SMARCA4: variants seen among roughly 807,000 people sequenced by gnomAD.
The protein encoded by SMARCA4 is SWI/SNF-related matrix-associated actin-dependent regulator of chromatin subfamily A member 4.
A neutral mutation model predicts 193.9 loss-of-function variants in SMARCA4; 31 were observed. The ratio of observed to expected loss-of-function variants is 0.16; its 90% CI spans 0.12 to 0.22. The LOEUF (loss-of-function observed/expected upper bound fraction) is 0.22, where lower values mean the gene tolerates loss of function less well. SMARCA4 is among the 10% of genes least tolerant of loss of function. The pLI is 1.00. For missense variants in SMARCA4, 1,148 were observed against 2,296.0 expected (o/e 0.50, Z 10.22); for synonymous variants, 942 against 933.1 (o/e 1.01, Z -0.17).
At chr19:10,962,205 G>A (rs1212087348) in intron 1 of SMARCA4, among the ~76,000 whole-genome samples, 1 of 152,138 alleles carries the variant, frequency 6.6e-6, no homozygotes, top group Non-Finnish European at 1.5e-5. Context: ...TTTGTGAAAG[G>A]GGGTAATCTC....
At chr19:10,975,017 CTTT>C (rs760199710) in intron 1 of SMARCA4, among the ~76,000 whole-genome samples, 1 of 101,080 alleles carries the variant, frequency 9.9e-6, no homozygotes. Context: ...TATAGTTATT[CTTT>C]TTTTTTTTTT....
At chr19:11,026,165 A>G (rs1346917190) in intron 22 of SMARCA4, 135 bp from the exon 23 acceptor site, 3 of 757,046 alleles carry the variant, frequency 4.0e-6, no homozygotes, top group Non-Finnish European at 4.8e-6. Context: ...GTCTGGTCTC[A>G]GAGCCGCCGT....
At chr19:10,990,165 T>G (rs922736535) in intron 7 of SMARCA4, among the ~76,000 whole-genome samples, 2 of 151,928 alleles carry the variant, frequency 1.3e-5, no homozygotes, top group Admixed American at 6.6e-5. Context: ...ATATTTTTCT[T>G]TTTTTTGAAA....
intron 16 of SMARCA4, among the ~76,000 whole-genome samples, chr19:11,017,097 G>A (rs190676858): frequency 2.0e-5 from 3 of 152,096 alleles, no homozygotes; most frequent in African/African-American, 7.2e-5. Context: ...TCTCTGCCTC[G>A]GCATCTGTTT....
Position 11,058,754 on chromosome 19 carries a change from C to G in SMARCA4, c.4534-34C>G, listed in dbSNP as rs779537093. 9 of 1,585,566 alleles carry G rather than the reference C, an allele frequency of 5.7e-6. No individual in the cohort carries two copies. Among genetic ancestry groups the G allele is most frequent in the Admixed American group, 1.7e-5 (1 of 59,940 alleles). ...GCCTGCGGGCAGGCGAGGCGGGGTC[C>G]TGAGGTAAGACCTGCTCCTCCCGTC... On this transcript the variant is annotated intron_variant, in intron 31 of 34. Transcript: ENST00000344626. The surrounding 1 kb of genome is among the most constrained non-coding windows in gnomAD (Gnocchi z 5.8).
chr19:11,033,964 G>A lies in SMARCA4; in HGVS notation c.3873+99G>A. ...GGTCCCACGGAGCGTGCGTGTGCGT[G>A]TGCGTGTGTGTGCCTTTCGCTGCCG... On this transcript the variant is annotated intron_variant, in intron 27 of 34. Coordinates refer to ENST00000344626, the MANE Select transcript of SMARCA4 (RefSeq NM_003072.5). The surrounding 1 kb of genome is among the most constrained non-coding windows in gnomAD (Gnocchi z 9.8). The A allele has an allele frequency of 2.7e-6, 2 of 747,696 alleles. No homozygotes were observed. Among genetic ancestry groups the A allele is most frequent in the Non-Finnish European group, 4.9e-6 (2 of 408,528 alleles). 46.3% of individuals were successfully genotyped at this position (747,696 alleles called of 1,614,324 possible).
intron 9 of SMARCA4, chr19:10,995,860 G>C (rs941542069): frequency 1.8e-5 from 7 of 390,932 alleles, no homozygotes; most frequent in African/African-American, 1.0e-4. Context: ...TTCTTAGAAA[G>C]GTGGGGGGCT....
intron 8 of SMARCA4, among the ~76,000 whole-genome samples, chr19:10,992,590 GT>G (rs1442225498): frequency 7.3e-5 from 11 of 150,924 alleles, no homozygotes; most frequent in Non-Finnish European, 1.0e-4. Flanking sequence ...ACACCTGTTT[GT>G]TTTTTTCTTT....
Position 11,013,008 on chromosome 19 carries a change from C to T in SMARCA4, c.2334C>T (p.Ala778=), listed in dbSNP as rs757358465. ...ACAACAACCTGAACGGCATCCTGGC[C>T]GACGAGATGGGCCTGGGGAAGACCA... The part of the protein sequence containing the change: ...LYNNNLNGIL[A]DEMGLGKTIQ... The change falls in exon 16 of 35, where the codon GCC becomes GCT. Residue 778 remains alanine (A), a synonymous_variant. Transcript: ENST00000344626. 5.6e-6 allele frequency: 9 copies of T among 1,614,126 alleles called. No individual in the cohort carries two copies. The highest frequency in any genetic ancestry group is 2.2e-5 in the East Asian group (1 of 44,886).
intron 1 of SMARCA4, among the ~76,000 whole-genome samples, chr19:10,982,470 G>A (rs1292258532): frequency 2.6e-5 from 4 of 151,782 alleles, no homozygotes; most frequent in East Asian, 3.9e-4. Flanking sequence ...GTGAAACTTC[G>A]TCTCAAAAAC....
At chr19:11,059,077 C>G in intron 32 of SMARCA4, 188 bp downstream of exon 32, 1 of 594,710 alleles carries the variant, frequency 1.7e-6, no homozygotes, top group Non-Finnish European at 3.0e-6. Flanking sequence ...GAGTTCACGA[C>G]CAGCCTGGGC....
chr19:10,986,837 C>T lies in SMARCA4; in HGVS notation c.761-68C>T, dbSNP rs2145792684. 2 of 1,411,822 alleles carry T rather than the reference C, an allele frequency of 1.4e-6. No homozygotes were observed. Among genetic ancestry groups the T allele is most frequent in the East Asian group, 2.3e-5 (1 of 43,928 alleles). The allele number at this position is 1,411,822 out of a possible 1,614,324, so 87.5% of individuals were successfully genotyped here. A position where few individuals can be genotyped will look rare whatever the true frequency, so the allele number is the denominator to read the frequency against. On this transcript the variant is annotated intron_variant, in intron 4 of 34. Transcript: ENST00000344626. The surrounding 1 kb of genome is among the most constrained non-coding windows in gnomAD (Gnocchi z 6.7). ...CTGTGTCCCCTGGAGCCAGGGCTGC[C>T]CACGGGGCTGGGCGCAGGCATAAAC...
At chr19:11,060,557 C>G (rs1043881548) in intron 34 of SMARCA4, 28 of 394,254 alleles carry the variant, frequency 7.1e-5, no homozygotes, top group South Asian at 6.8e-4. Context: ...ACCCACCAGA[C>G]AGTGCCCCGT....
intron 24 of SMARCA4, 118 bp downstream of exon 24, chr19:11,028,068 G>A (rs1238466702): frequency 3.7e-6 from 4 of 1,081,550 alleles, no homozygotes; most frequent in East Asian, 2.4e-5. Context: ...TCTGGGTCCA[G>A]TGGCCAGAGT....
Position 10,986,964 on chromosome 19 carries a change from G to T in SMARCA4, c.820G>T (p.Gly274Cys). Residue 274 changes from glycine to cysteine, a missense_variant, in exon 5 of 35, where the codon GGC becomes TGC. Coordinates refer to ENST00000344626, the MANE Select transcript of SMARCA4 (RefSeq NM_003072.5). This position sits in a 1 kb window ranked among gnomAD's most constrained non-coding sequence, Gnocchi z 6.7. ...CTCGGGCGTGCCCCCCGGGATGCCA[G>T]GCCAGCCTCCTGGAGGGCCTCCCAA... is the stretch of plus-strand genomic sequence containing the variant. Reference protein sequence around the residue: ...GPSGVPPGMPGQPPGGPPKPW... With the variant: ...GPSGVPPGMPCQPPGGPPKPW... 1 of 1,609,606 alleles carries T rather than the reference G, an allele frequency of 6.2e-7. No homozygotes were observed.
In SMARCA4 at chr19:11,041,421, C is replaced by A. The variant is rs1060502069; in HGVS notation, c.4285C>A (p.Arg1429Ser). Residue 1429 changes from arginine to serine, a missense_variant, in exon 30 of 35, where the codon CGC becomes AGC. Coordinates refer to ENST00000344626, the MANE Select transcript of SMARCA4 (RefSeq NM_003072.5). The surrounding 1 kb of genome is among the most constrained non-coding windows in gnomAD (Gnocchi z 5.6). The stretch of plus-strand genomic sequence containing the variant: ...CTCCTCCACCCCGACCACCAGCACC[C>A]GCAGCCGCGACAAGGACGACGAGAG... ...AGSSTPTTSTRSRDKDDESKK... is the reference protein window; with the variant it reads ...AGSSTPTTSTSSRDKDDESKK... 1 of 1,612,362 alleles carries A rather than the reference C, an allele frequency of 6.2e-7. No individual in the cohort carries two copies. The highest frequency in any genetic ancestry group is 8.5e-7 in the Non-Finnish European group (1 of 1,179,928).
chr19:11,029,915 A>G (rs540618604), intron 24 of SMARCA4, among the ~76,000 whole-genome samples: 1 of 152,186 alleles, frequency 6.6e-6, no homozygotes, highest in East Asian at 1.9e-4. Flanking sequence ...TCCTCAGGCG[A>G]TCCACCCACC....
chr19:11,003,328 C>T lies in SMARCA4; in HGVS notation c.1944-12C>T, dbSNP rs149763341. On this transcript the variant is annotated splice_polypyrimidine_tract_variant and intron_variant, in intron 12 of 34. Coordinates refer to ENST00000344626, the MANE Select transcript of SMARCA4 (RefSeq NM_003072.5). ...GAGCAGATTTGTATGAAAGCCCTTA[C>T]ATTTTTTCTAGGTATGAAGTAGCTC... 4.4e-4 allele frequency: 706 copies of T among 1,613,194 alleles called. 9 individuals are homozygous for T. The East Asian group carries it at 0.015, about 35-fold the overall frequency.
At chr19:11,046,278 C>T (rs139832066) in intron 30 of SMARCA4, among the ~76,000 whole-genome samples, 169 of 151,674 alleles carry the variant, frequency 1.1e-3, no homozygotes, top group South Asian at 2.1e-3. Context: ...ACTGCTTTAT[C>T]GAAACTGTTC....
Sources: allele counts gnomAD v4.1 joint callset (sites outside exome capture counted in the v4.1 genomes callset), GRCh38; gene constraint gnomAD v4.1.1; non-coding constraint Gnocchi (gnomAD v3.1); transcripts MANE v1.5; gene names NCBI Gene and HGNC (gene_info 2026-07-23, HGNC 2026-07-21).